KRABD5: variants seen among roughly 807,000 people sequenced by gnomAD.
KRABD5 encodes KRAB domain containing 5, also known as KRAB domain-containing protein 5.
chr16:31,746,159 A>C, the KRABD5 span, among the ~76,000 whole-genome samples: 1 of 152,172 alleles, frequency 6.6e-6, no homozygotes, highest in Non-Finnish European at 1.5e-5. Flanking sequence ...TCCCGTCATC[A>C]TGATGCTATT....
At chr16:31,713,498 C>T in the KRABD5 span, 1 of 1,568,384 alleles carries the variant, frequency 6.4e-7, no homozygotes, top group African/African-American at 1.4e-5. Flanking sequence ...CGGCGGGAAC[C>T]CTCTTTGAGG....
At chr16:31,713,756 G>T in the KRABD5 span, among the ~76,000 whole-genome samples, 4 of 152,204 alleles carry the variant, frequency 2.6e-5, no homozygotes, top group African/African-American at 7.2e-5. Flanking sequence ...ATTCGTGTGT[G>T]GGAAGATACT....
chr16:31,745,336 T>C, the KRABD5 span, among the ~76,000 whole-genome samples: 1 of 152,218 alleles, frequency 6.6e-6, no homozygotes, highest in African/African-American at 2.4e-5. Flanking sequence ...TTCTCATTGG[T>C]GTCAAAGAAC....
the KRABD5 span, among the ~76,000 whole-genome samples, chr16:31,751,867 G>C: frequency 1.3e-5 from 2 of 152,090 alleles, no homozygotes; most frequent in African/African-American, 4.8e-5. Flanking sequence ...ATTAATTTGA[G>C]ATCTGACTTC....
chr16:31,754,112 G>A, the KRABD5 span: 1,649 of 704,386 alleles, frequency 2.3e-3, 10 homozygotes, highest in African/African-American at 0.023. Context: ...TGGATAATCC[G>A]AATAGTGACT....
chr16:31,716,292 C>T, the KRABD5 span, among the ~76,000 whole-genome samples: 2 of 152,190 alleles, frequency 1.3e-5, no homozygotes, highest in Admixed American at 1.3e-4. Context: ...CTTGCCTGGG[C>T]CAGTATCTGT....
chr16:31,753,819 T>A, the KRABD5 span: 1 of 1,547,166 alleles, frequency 6.5e-7, no homozygotes, highest in Non-Finnish European at 8.7e-7. Context: ...TATAGAAGCA[T>A]CATTCCAAAA....
the KRABD5 span, among the ~76,000 whole-genome samples, chr16:31,727,427 C>G: frequency 6.4e-4 from 97 of 152,350 alleles, no homozygotes; most frequent in African/African-American, 1.9e-3. Context: ...AGCTCTATGA[C>G]TGCTCCTGTG....
chr16:31,732,486 A>T, the KRABD5 span, among the ~76,000 whole-genome samples: 1 of 152,242 alleles, frequency 6.6e-6, no homozygotes, highest in Non-Finnish European at 1.5e-5. Flanking sequence ...ATGTTTGATT[A>T]TAAGTTTAAG....
the KRABD5 span, among the ~76,000 whole-genome samples, chr16:31,741,654 TA>T: frequency 2.6e-5 from 4 of 152,250 alleles, no homozygotes; most frequent in Middle Eastern, 3.4e-3. Context: ...TTAATGGGGT[TA>T]TTTTTTTTCT....
the KRABD5 span, among the ~76,000 whole-genome samples, chr16:31,716,520 A>G: frequency 0.013 from 1,914 of 152,256 alleles, 21 homozygotes; most frequent in Admixed American, 0.025. Context: ...GACTGGAGGC[A>G]TGTGCCCCCC....
chr16:31,732,760 A>G, the KRABD5 span, among the ~76,000 whole-genome samples: 1 of 152,182 alleles, frequency 6.6e-6, no homozygotes, highest in Non-Finnish European at 1.5e-5. Flanking sequence ...TGTCTTTTGA[A>G]TATTTACTCA....
At chr16:31,720,452 T>G in the KRABD5 span, among the ~76,000 whole-genome samples, 1 of 152,156 alleles carries the variant, frequency 6.6e-6, no homozygotes, top group Non-Finnish European at 1.5e-5. Flanking sequence ...CCAAATGATG[T>G]GTATGCATAT....
the KRABD5 span, chr16:31,722,786 C>G: frequency 1.3e-6 from 2 of 1,538,474 alleles, no homozygotes; most frequent in Non-Finnish European, 1.7e-6. Flanking sequence ...TATCTAATAT[C>G]TAATAACTAA....
At chr16:31,713,325 C>T in the KRABD5 span, 13 of 1,494,032 alleles carry the variant, frequency 8.7e-6, no homozygotes, top group Non-Finnish European at 1.2e-5. Flanking sequence ...ATCTGGGAGG[C>T]CAAGGCGGCT....
the KRABD5 span, chr16:31,713,259 C>A: frequency 1.2e-6 from 1 of 807,926 alleles, no homozygotes; most frequent in Non-Finnish European, 2.0e-6. Context: ...TTGGCGGTGG[C>A]CTTTGTTGGC....
At chr16:31,755,759 A>C in the KRABD5 span, 8 of 356,226 alleles carry the variant, frequency 2.2e-5, no homozygotes, top group East Asian at 6.0e-4. Context: ...AAAATTTAGA[A>C]CTTAAAAATC....
the KRABD5 span, among the ~76,000 whole-genome samples, chr16:31,739,362 A>G: frequency 6.6e-6 from 1 of 152,152 alleles, no homozygotes; most frequent in African/African-American, 2.4e-5. Context: ...AGCACTTTGA[A>G]TATATCATTC....
the KRABD5 span, among the ~76,000 whole-genome samples, chr16:31,721,590 G>T: frequency 6.6e-6 from 1 of 151,902 alleles, no homozygotes; most frequent in East Asian, 1.9e-4. Flanking sequence ...TATTAAAGAG[G>T]AAGAATAGTA....
Sources: gnomAD v4.1 joint callset for allele counts (sites outside exome capture counted in the v4.1 genomes callset) on GRCh38, gnomAD v4.1.1 for gene constraint, MANE v1.5 for transcripts, NCBI Gene and HGNC (gene_info 2026-07-23, HGNC 2026-07-21) for gene names.